CPLX2: variants seen among roughly 807,000 people sequenced by gnomAD.
CPLX2 encodes the protein complexin-2.
A neutral mutation model predicts 16.3 loss-of-function variants in CPLX2; 5 were observed. That is an observed-to-expected ratio of 0.31 (90% confidence interval 0.16 to 0.64). The LOEUF (loss-of-function observed/expected upper bound fraction) is 0.64, where lower values mean the gene tolerates loss of function less well. Among genes scored for constraint, CPLX2 ranks in the 30% least tolerant of loss-of-function variants. CPLX2 has a pLI of 0.79. For synonymous variants in CPLX2, 89 were observed against 73.2 expected (o/e 1.22, Z -1.10); for missense variants, 144 against 181.4 (o/e 0.79, Z 1.18).
At chr5:175,806,434 G>C (rs981066981) in intron 1 of CPLX2, among the ~76,000 whole-genome samples, 1 of 152,112 alleles carries the variant, frequency 6.6e-6, no homozygotes, top group African/African-American at 2.4e-5. Flanking sequence ...GTGTTAGAGG[G>C]GGTGACACAC....
chr5:175,800,267 A>G (rs1342438352), intron 1 of CPLX2, among the ~76,000 whole-genome samples: 1 of 152,214 alleles, frequency 6.6e-6, no homozygotes, highest in Non-Finnish European at 1.5e-5. Flanking sequence ...CCTGCCTATC[A>G]AATGGGGAGG....
intron 3 of CPLX2, 144 bp downstream of exon 3, chr5:175,879,227 G>C (rs1225589507): frequency 4.2e-5 from 35 of 830,588 alleles, no homozygotes; most frequent in Non-Finnish European, 5.4e-5. Context: ...CAGCAAAACG[G>C]GTATCACAAG....
intron 1 of CPLX2, among the ~76,000 whole-genome samples, chr5:175,803,615 G>A (rs114714819): frequency 2.6e-5 from 4 of 152,328 alleles, no homozygotes; most frequent in African/African-American, 9.6e-5. Flanking sequence ...AGTCACAGAC[G>A]GTGACAGCGG....
intron 1 of CPLX2, among the ~76,000 whole-genome samples, chr5:175,877,552 G>T (rs550690045): frequency 6.6e-6 from 1 of 152,284 alleles, no homozygotes; most frequent in South Asian, 2.1e-4. Flanking sequence ...TTACCATGAA[G>T]CTACTTCACA....
chr5:175,877,237 TTC>T (rs1414626305), intron 1 of CPLX2, among the ~76,000 whole-genome samples: 1 of 150,340 alleles, frequency 6.7e-6, no homozygotes, highest in Non-Finnish European at 1.5e-5. Flanking sequence ...TTTTTTTTTT[TTC>T]CTACACATCA....
At chr5:175,797,228 T>A (rs1758002470) in intron 1 of CPLX2, among the ~76,000 whole-genome samples, 1 of 151,986 alleles carries the variant, frequency 6.6e-6, no homozygotes, top group Non-Finnish European at 1.5e-5. Flanking sequence ...CCAGCGCGCC[T>A]AGGGGTGGCG....
chr5:175,829,262 C>T (rs1308428367), intron 2 of CPLX2, among the ~76,000 whole-genome samples: 2 of 152,196 alleles, frequency 1.3e-5, no homozygotes, highest in Non-Finnish European at 2.9e-5. Context: ...GAGGAAACTG[C>T]GGCTCAGCGA....
chr5:175,837,062 G>A (rs562743539), intron 2 of CPLX2, among the ~76,000 whole-genome samples: 4 of 152,340 alleles, frequency 2.6e-5, no homozygotes, highest in South Asian at 2.1e-4. Flanking sequence ...AAGGAAGCAC[G>A]GGGCCAAGGC....
At chr5:175,877,472 C>T (rs1473004255) in intron 1 of CPLX2, among the ~76,000 whole-genome samples, 2 of 152,174 alleles carry the variant, frequency 1.3e-5, no homozygotes, top group African/African-American at 4.8e-5. Context: ...CACCCTTTCC[C>T]AGGAACCCTT....
At chr5:175,821,493 T>C (rs577842966) in intron 2 of CPLX2, among the ~76,000 whole-genome samples, 5 of 152,288 alleles carry the variant, frequency 3.3e-5, no homozygotes, top group South Asian at 2.1e-4. Context: ...TTGCAACCTC[T>C]GCCTCCTGGG....
At chr5:175,876,163 A>G (rs1228613125) in intron 1 of CPLX2, among the ~76,000 whole-genome samples, 2 of 152,202 alleles carry the variant, frequency 1.3e-5, no homozygotes, top group Non-Finnish European at 2.9e-5. Context: ...ACACATACAT[A>G]CCTCAGAATG....
upstream of CPLX2, among the ~76,000 whole-genome samples, chr5:175,871,252 G>A (rs902326589): frequency 1.3e-5 from 2 of 151,166 alleles, no homozygotes; most frequent in African/African-American, 4.9e-5. Context: ...GAGGCGGCAG[G>A]GGCGTCTGCG....
At chr5:175,824,752 G>A (rs932137093) in intron 2 of CPLX2, among the ~76,000 whole-genome samples, 3 of 152,200 alleles carry the variant, frequency 2.0e-5, no homozygotes, top group Non-Finnish European at 2.9e-5. Context: ...TGACATTCCC[G>A]TTGCACAGAG....
At chr5:175,867,585 T>C (rs1759501045), upstream of CPLX2, among the ~76,000 whole-genome samples, 1 of 152,080 alleles carries the variant, frequency 6.6e-6, no homozygotes, top group South Asian at 2.1e-4. Context: ...GACAATGCCA[T>C]TGACTTATTC....
chr5:175,868,029 C>T (rs1759510872), upstream of CPLX2, among the ~76,000 whole-genome samples: 2 of 152,228 alleles, frequency 1.3e-5, no homozygotes, highest in South Asian at 4.1e-4. Context: ...CAAACCAAGA[C>T]CAACTCTGCC....
At chr5:175,868,488 T>C (rs78515360), upstream of CPLX2, among the ~76,000 whole-genome samples, 5,535 of 152,242 alleles carry the variant, frequency 0.036, 342 homozygotes, top group African/African-American at 0.13. Context: ...AAGTGGAAAT[T>C]CAGCTCCAGT....
intron 2 of CPLX2, among the ~76,000 whole-genome samples, chr5:175,863,998 G>A (rs1043818878): frequency 6.6e-6 from 1 of 152,198 alleles, no homozygotes; most frequent in Admixed American, 6.5e-5. Flanking sequence ...CTTTGACCAA[G>A]AGGATCATAA....
chr5:175,879,232 C>T (rs1023518096), intron 3 of CPLX2, 149 bp downstream of exon 3: 1 of 807,112 alleles, frequency 1.2e-6, no homozygotes, highest in Non-Finnish European at 1.9e-6. Flanking sequence ...AAACGGGTAT[C>T]ACAAGGTCAC....
At chr5:175,804,390 A>T (rs758035708) in intron 1 of CPLX2, among the ~76,000 whole-genome samples, 38 of 152,286 alleles carry the variant, frequency 2.5e-4, no homozygotes, top group Non-Finnish European at 4.9e-4. Flanking sequence ...CAGAGAAAGG[A>T]TCACACATCA....
Sources: gnomAD v4.1 joint callset for allele counts (sites outside exome capture counted in the v4.1 genomes callset) on GRCh38, gnomAD v4.1.1 for gene constraint, MANE v1.5 for transcripts, NCBI Gene and HGNC (gene_info 2026-07-23, HGNC 2026-07-21) for gene names.